Variants in RAP1GAP2 observed in about 807,000 individuals in gnomAD.
RAP1GAP2 encodes the protein RAP1 GTPase activating protein 2, also known as rap1 GTPase-activating protein 2.
RAP1GAP2 carries 27 observed loss-of-function variants against 95.0 expected under a neutral mutation model. That is an observed-to-expected ratio of 0.28 (90% confidence interval 0.21 to 0.39). RAP1GAP2 has a LOEUF of 0.39. RAP1GAP2 is among the 10% of genes least tolerant of loss of function. The pLI is 1.00. For synonymous variants in RAP1GAP2, 373 were observed against 380.9 expected (o/e 0.98, Z 0.24); for missense variants, 771 against 970.0 (o/e 0.79, Z 2.72).
chr17:2,977,503 G>C (rs539670233), intron 8 of RAP1GAP2, among the ~76,000 whole-genome samples: 3 of 152,208 alleles, frequency 2.0e-5, no homozygotes, highest in African/African-American at 7.2e-5. Flanking sequence ...CCAGCACTTT[G>C]GGAGGCCAAG....
chr17:2,984,514 C>G (rs1262853261), intron 10 of RAP1GAP2, among the ~76,000 whole-genome samples: 1 of 152,146 alleles, frequency 6.6e-6, no homozygotes. Context: ...AGCGTGGTCT[C>G]CTTAGAGACC....
chr17:2,858,008 G>A (rs905211715), intron 2 of RAP1GAP2, among the ~76,000 whole-genome samples: 4 of 152,180 alleles, frequency 2.6e-5, no homozygotes, highest in African/African-American at 9.7e-5. Flanking sequence ...GCTGAGGCAG[G>A]ACAACTGCTT....
intron 2 of RAP1GAP2, among the ~76,000 whole-genome samples, chr17:2,839,299 G>C (rs563680678): frequency 4.0e-4 from 60 of 151,560 alleles, no homozygotes; most frequent in African/African-American, 1.4e-3. Flanking sequence ...AACACAGTGA[G>C]ACTCTGTCTT....
chr17:2,940,922 G>T (rs989391131), intron 3 of RAP1GAP2, among the ~76,000 whole-genome samples: 7 of 152,168 alleles, frequency 4.6e-5, no homozygotes, highest in African/African-American at 1.7e-4. Flanking sequence ...ACTTGTTTGT[G>T]GGGTTGGACC....
chr17:2,879,745 T>C (rs2073222658), intron 2 of RAP1GAP2, among the ~76,000 whole-genome samples: 1 of 147,712 alleles, frequency 6.8e-6, no homozygotes, highest in Non-Finnish European at 1.5e-5. Context: ...AAAAAGAAAG[T>C]CCCTGCTTCC....
chr17:2,867,525 AT>A lies in RAP1GAP2; in HGVS notation c.81-37756del, dbSNP rs774287852. Among the ~76,000 whole-genome samples the A allele has an allele frequency of 6.6e-6, 1 of 152,094 alleles. No homozygotes were observed. The highest frequency in any genetic ancestry group is 1.5e-5 in the Non-Finnish European group (1 of 68,016). On this transcript the variant is annotated intron_variant, in intron 2 of 24. Transcript: ENST00000254695. This position sits in a 1 kb window ranked among gnomAD's most constrained non-coding sequence, Gnocchi z 4.5. ...GGAAGAGCAAATCTGTTTCCCAATC[AT>A]TTCAGCAGATGTCCCAGGGATGGCT...
chr17:2,782,813 C>T (rs2068688797), intron 1 of RAP1GAP2, among the ~76,000 whole-genome samples: 2 of 152,122 alleles, frequency 1.3e-5, no homozygotes, highest in African/African-American at 4.8e-5. Context: ...GTCAGGAGTT[C>T]GTGACCAGCC....
intron 14 of RAP1GAP2, among the ~76,000 whole-genome samples, chr17:2,998,851 C>T (rs180697726): frequency 1.6e-4 from 25 of 152,054 alleles, no homozygotes; most frequent in Admixed American, 6.6e-5. Context: ...GCCATTTGCT[C>T]GAGTAAGGCA....
intron 7 of RAP1GAP2, chr17:2,964,453 T>C (rs2044500737): frequency 4.3e-6 from 1 of 232,552 alleles, no homozygotes; most frequent in African/African-American, 2.3e-5. Context: ...TCTGTCCTTT[T>C]GTTGCTGCCT....
chr17:2,926,125 C>CAAA (rs990593437), intron 3 of RAP1GAP2, among the ~76,000 whole-genome samples: 21 of 59,640 alleles, frequency 3.5e-4, no homozygotes, highest in African/African-American at 7.4e-4. Context: ...GCCTCTGTCT[C>CAAA]AAAAAAAAAA....
At chr17:2,875,017 A>G (rs1224621110) in intron 2 of RAP1GAP2, among the ~76,000 whole-genome samples, 1 of 152,198 alleles carries the variant, frequency 6.6e-6, no homozygotes, top group South Asian at 2.1e-4. Flanking sequence ...GGACGCTTCA[A>G]AATTACCTTG....
chr17:2,795,515 T>G (rs552498777), upstream of RAP1GAP2, among the ~76,000 whole-genome samples: 1 of 152,180 alleles, frequency 6.6e-6, no homozygotes, highest in South Asian at 2.1e-4. Context: ...CACCCGCACA[T>G]GGGTACCGCC....
chr17:2,798,970 C>G (rs886589334), intron 1 of RAP1GAP2, among the ~76,000 whole-genome samples: 1 of 152,268 alleles, frequency 6.6e-6, no homozygotes, highest in African/African-American at 2.4e-5. Context: ...CATTGAGGAA[C>G]TCTAATGGGA....
rs541968308 is a variant in RAP1GAP2, at chr17:2,927,130, T to C, written c.165+21762T>C. 5.3e-5 allele frequency among the ~76,000 whole-genome samples: 8 copies of C among 151,746 alleles called. No individual in the cohort carries two copies. In the South Asian group the frequency reaches 1.7e-3, roughly 32 times the overall value. On this transcript the variant is annotated intron_variant, in intron 3 of 24. Transcript: ENST00000254695. Reference sequence around the variant, plus strand: ...CACCTGTATTCTGGCCCCATACCTCTGTTTTCAAGGCCAGCCACGCTGGAG... The same window carrying C: ...CACCTGTATTCTGGCCCCATACCTCCGTTTTCAAGGCCAGCCACGCTGGAG...
intron 13 of RAP1GAP2, among the ~76,000 whole-genome samples, chr17:2,997,149 C>G (rs2045987511): frequency 6.6e-6 from 1 of 150,724 alleles, no homozygotes; most frequent in Non-Finnish European, 1.5e-5. Context: ...TGGCCGAGAT[C>G]ACACCCAGAA....
chr17:3,019,673 C>T (rs945852225), intron 18 of RAP1GAP2, among the ~76,000 whole-genome samples: 1 of 152,204 alleles, frequency 6.6e-6, no homozygotes, highest in African/African-American at 2.4e-5. Context: ...ATTTTCCTAG[C>T]TATTATCTTG....
Position 2,838,917 on chromosome 17 carries a change from C to A in RAP1GAP2, c.80+38367C>A, listed in dbSNP as rs149990288. 9.9e-3 allele frequency among the ~76,000 whole-genome samples: 1,500 copies of A among 152,252 alleles called. 16 individuals carry two copies. The highest frequency in any genetic ancestry group is 0.034 in the African/African-American group (1,403 of 41,538). On this transcript the variant is annotated intron_variant, in intron 2 of 24. Transcript: ENST00000254695. ...TGGGTCTCAAGCCTCAGGCCTTGGGCAGGCGACAGTGTTTAGCAGACTGTA... is the reference window on the plus strand; with the variant it reads ...TGGGTCTCAAGCCTCAGGCCTTGGGAAGGCGACAGTGTTTAGCAGACTGTA...
rs776881618 is a variant in RAP1GAP2 at position 3,037,364 on chromosome 17, A to AACCCCCCCC, written c.*4003_*4004insACCCCCCCC. On this transcript the variant is annotated 3_prime_UTR_variant, in exon 25 of 25. Transcript: ENST00000254695. ...ACATTTCTGCTTGGAAGTGTGAACT[A>AACCCCCCCC]CCCCCCCCCCCCCGCTTCCTGCTCC... The AACCCCCCCC allele has an allele frequency of 3.4e-5, 1 of 29,682 alleles. No homozygotes were observed. The allele number at this position is 29,682 out of a possible 1,614,324, so 1.8% of individuals were successfully genotyped here.
At chr17:2,981,661 C>T (rs112803656) in intron 10 of RAP1GAP2, among the ~76,000 whole-genome samples, 69 of 152,234 alleles carry the variant, frequency 4.5e-4, no homozygotes, top group African/African-American at 1.6e-3. Flanking sequence ...GCCAGACAGC[C>T]GCCCCGCCAT....
Sources: gnomAD v4.1 joint callset for allele counts (sites outside exome capture counted in the v4.1 genomes callset) on GRCh38, gnomAD v4.1.1 for gene constraint, Gnocchi (gnomAD v3.1) non-coding constraint, MANE v1.5 for transcripts, NCBI Gene and HGNC (gene_info 2026-07-23, HGNC 2026-07-21) for gene names.